RCAN2: variants seen among roughly 807,000 people sequenced by gnomAD.
The protein encoded by RCAN2 is calcipressin-2.
RCAN2 carries 9 observed loss-of-function variants against 23.6 expected under a neutral mutation model. The observed-to-expected ratio is 0.38, with a 90% confidence interval of 0.23 to 0.67. The LOEUF (loss-of-function observed/expected upper bound fraction) is 0.67, where lower values mean the gene tolerates loss of function less well. RCAN2 is among the 30% of genes least tolerant of loss of function. RCAN2 has a pLI of 0.51. For synonymous variants in RCAN2, 109 were observed against 115.7 expected, an observed-to-expected ratio of 0.94 and a Z score of 0.37; for missense variants, 273 against 302.3, an observed-to-expected ratio of 0.90 and a Z score of 0.72.
intron 2 of RCAN2, among the ~76,000 whole-genome samples, chr6:46,292,818 A>C (rs1038767449): frequency 6.6e-6 from 1 of 152,106 alleles, no homozygotes; most frequent in African/African-American, 2.4e-5. Flanking sequence ...GGTTTGCTGC[A>C]CACATCAACC....
intron 2 of RCAN2, among the ~76,000 whole-genome samples, chr6:46,334,256 C>T (rs1764072547): frequency 6.6e-6 from 1 of 152,192 alleles, no homozygotes; most frequent in African/African-American, 2.4e-5. Context: ...TAGTTGTTAT[C>T]TCCCTCCCTC....
At chr6:46,309,549 T>C (rs1763186269) in intron 2 of RCAN2, among the ~76,000 whole-genome samples, 2 of 152,198 alleles carry the variant, frequency 1.3e-5, no homozygotes, top group Non-Finnish European at 2.9e-5. Flanking sequence ...CTGTGGTTCA[T>C]ACAATTAATT....
intron 1 of RCAN2, among the ~76,000 whole-genome samples, chr6:46,478,980 C>A (rs1404582486): frequency 1.3e-5 from 2 of 152,206 alleles, no homozygotes; most frequent in Non-Finnish European, 2.9e-5. Flanking sequence ...GACAAAGAAT[C>A]TACAAGCATC....
chr6:46,327,074 T>C (rs893353645), intron 2 of RCAN2, among the ~76,000 whole-genome samples: 3 of 152,204 alleles, frequency 2.0e-5, no homozygotes, highest in African/African-American at 7.2e-5. Context: ...TATGCAAAGC[T>C]CTGCATCTGA....
intron 2 of RCAN2, among the ~76,000 whole-genome samples, chr6:46,316,630 C>T (rs1582097233): frequency 6.6e-6 from 1 of 152,342 alleles, no homozygotes; most frequent in East Asian, 1.9e-4. Context: ...AGAGCCTAAT[C>T]TGAGGCCGTG....
chr6:46,424,725 C>T (rs1278626666), intron 2 of RCAN2, among the ~76,000 whole-genome samples: 1 of 152,138 alleles, frequency 6.6e-6, no homozygotes, highest in African/African-American at 2.4e-5. Flanking sequence ...GGACAAGTTA[C>T]TTCACTTCCT....
intron 2 of RCAN2, among the ~76,000 whole-genome samples, chr6:46,411,056 G>T (rs963334718): frequency 6.6e-6 from 1 of 152,208 alleles, no homozygotes; most frequent in African/African-American, 2.4e-5. Context: ...ATATCAAATA[G>T]TGAGAGAAGA....
At chr6:46,457,207 G>GT (rs1031667908) in intron 1 of RCAN2, among the ~76,000 whole-genome samples, 2 of 152,102 alleles carry the variant, frequency 1.3e-5, no homozygotes, top group African/African-American at 4.8e-5. Context: ...CAGTACTATG[G>GT]TTTTTTAAAA....
At chr6:46,482,559 C>T (rs931130962) in intron 1 of RCAN2, among the ~76,000 whole-genome samples, 23 of 152,204 alleles carry the variant, frequency 1.5e-4, no homozygotes, top group African/African-American at 5.5e-4. Flanking sequence ...GTAAAGGTCT[C>T]TAACCTGCAT....
At chr6:46,369,842 T>A (rs561681802) in intron 2 of RCAN2, among the ~76,000 whole-genome samples, 1 of 152,228 alleles carries the variant, frequency 6.6e-6, no homozygotes, top group East Asian at 1.9e-4. Context: ...GAGCAGCTAA[T>A]CACTTTTCCA....
chr6:46,393,013 C>T (rs1361894476), intron 2 of RCAN2, among the ~76,000 whole-genome samples: 2 of 152,114 alleles, frequency 1.3e-5, no homozygotes, highest in Non-Finnish European at 2.9e-5. Flanking sequence ...AAAGGAATGA[C>T]ATCAGAATAA....
At chr6:46,304,279 C>A (rs540498551) in intron 2 of RCAN2, among the ~76,000 whole-genome samples, 5 of 152,110 alleles carry the variant, frequency 3.3e-5, no homozygotes, top group African/African-American at 1.2e-4. Flanking sequence ...GTTTGTTTTT[C>A]TCTTACTGAT....
intron 2 of RCAN2, among the ~76,000 whole-genome samples, chr6:46,388,273 A>AT (rs981776726): frequency 1.3e-5 from 2 of 151,654 alleles, no homozygotes; most frequent in Admixed American, 1.3e-4. Context: ...AATAATAATA[A>AT]AATAAATAAA....
At chr6:46,261,834 AC>A (rs1767119819) in intron 2 of RCAN2, among the ~76,000 whole-genome samples, 2 of 152,220 alleles carry the variant, frequency 1.3e-5, no homozygotes, top group South Asian at 4.1e-4. Context: ...CCTTTACAAA[AC>A]AACATGATAA....
intron 2 of RCAN2, among the ~76,000 whole-genome samples, chr6:46,433,876 A>G (rs1767288006): frequency 6.6e-6 from 1 of 152,224 alleles, no homozygotes. Flanking sequence ...GTTCATTTCC[A>G]TGTTGTTAGT....
At chr6:46,403,295 G>A (rs527277875) in intron 2 of RCAN2, among the ~76,000 whole-genome samples, 4 of 152,012 alleles carry the variant, frequency 2.6e-5, no homozygotes, top group Admixed American at 1.3e-4. Context: ...TTCTGTGGCT[G>A]GGCACGATGG....
intron 1 of RCAN2, among the ~76,000 whole-genome samples, chr6:46,490,778 A>T (rs60932290): frequency 6.6e-6 from 1 of 151,362 alleles, no homozygotes; most frequent in Non-Finnish European, 1.5e-5. Context: ...TCTCTTCTAG[A>T]CCCTCTCTAA....
chr6:46,342,786 A>G (rs1322908393), intron 2 of RCAN2, among the ~76,000 whole-genome samples: 3 of 152,024 alleles, frequency 2.0e-5, no homozygotes, highest in Non-Finnish European at 4.4e-5. Context: ...ATGAACTCAC[A>G]GAAAACTTTT....
intron 2 of RCAN2, among the ~76,000 whole-genome samples, chr6:46,431,993 CA>C (rs1430010804): frequency 6.6e-6 from 1 of 152,104 alleles, no homozygotes; most frequent in African/African-American, 2.4e-5. Context: ...AATATGGAGA[CA>C]AAAATGTTGT....
Sources: allele counts gnomAD v4.1 joint callset (sites outside exome capture counted in the v4.1 genomes callset), GRCh38; gene constraint gnomAD v4.1.1; transcripts MANE v1.5; gene names NCBI Gene and HGNC (gene_info 2026-07-23, HGNC 2026-07-21).